GOLGA6L22: variants seen among roughly 807,000 people sequenced by gnomAD.
The protein encoded by GOLGA6L22 is golgin subfamily A member 6-like protein 22.
GOLGA6L22 carries 28 observed loss-of-function variants against 77.1 expected under a neutral mutation model. The observed-to-expected ratio is 0.36, with a 90% CI of 0.27 to 0.50. The LOEUF (loss-of-function observed/expected upper bound fraction) is 0.50, where lower values mean the gene tolerates loss of function less well. Ranked by LOEUF, GOLGA6L22 falls within the 20% of genes least tolerant of loss-of-function variation. The probability of loss-of-function intolerance (pLI) is 0.97; values close to 1 mark genes in which losing one functional copy is unlikely to be tolerated. For missense variants in GOLGA6L22, 250 were observed against 620.4 expected (o/e 0.40, Z 6.34); for synonymous variants, 62 against 185.3 (o/e 0.33, Z 5.41).
exon 8 of GOLGA6L22, chr15:22,466,702 GAAGATGTGTGAGCAGGAA>G: frequency 1.7e-6 from 1 of 593,856 alleles, no homozygotes. Context: ...AGCAGGAGGA[GAAGATGTGTGAGCAGGAA>G]GAGAAGATGC....
rs1455761690 is a variant in GOLGA6L22, at chr15:22,465,787, G to A, written c.1395G>A (p.Gln465=). The change falls in exon 8 of 9, where the codon CAG becomes CAA. Residue 465 remains glutamine (Q), a synonymous_variant. Coordinates refer to ENST00000622895, the Ensembl canonical transcript of GOLGA6L22. ...GGCAGGAGGAGAAGATACGGGAGCA[G>A]GAGAAGAAACGGGAGCAGGAGGAGA... is the stretch of plus-strand genomic sequence containing the variant. The A allele has an allele frequency of 4.3e-5, 60 of 1,406,244 alleles. 5 individuals are homozygous for A. In the East Asian group the frequency reaches 1.6e-3, roughly 38 times the overall value. 87.1% of individuals were successfully genotyped at this position (1,406,244 alleles called of 1,614,324 possible).
chr15:22,463,094 T>C (rs1351002195), intron 5 of GOLGA6L22, among the ~76,000 whole-genome samples: 1 of 132,710 alleles, frequency 7.5e-6, no homozygotes, highest in East Asian at 2.0e-4. Context: ...CTCCAAGTGA[T>C]CTTAGGCAGC....
At chr15:22,465,905 CAGG>C in exon 8 of GOLGA6L22, 1 of 1,080,390 alleles carries the variant, frequency 9.3e-7, no homozygotes, top group Non-Finnish European at 1.2e-6. Flanking sequence ...GATGCATGAG[CAGG>C]AGAAGATATG....
In GOLGA6L22 at chr15:22,463,132, C is replaced by T. The variant is rs1466745693; in HGVS notation, c.432+664C>T. ...TTAACCTTTAATACCACATGTTTTT[C>T]ATCTACACAATAGAGGTAATAATGG... is the stretch of plus-strand genomic sequence containing the variant. On this transcript the variant is annotated intron_variant, in intron 5 of 8. Coordinates refer to ENST00000622895, the Ensembl canonical transcript of GOLGA6L22. 2.3e-5 allele frequency among the ~76,000 whole-genome samples: 3 copies of T among 131,280 alleles called. 1 individual carries two copies. The highest frequency in any genetic ancestry group is 4.7e-5 in the Non-Finnish European group (3 of 63,596). The allele number at this position is 131,280 out of a possible 152,430, so 86.1% of individuals were successfully genotyped here. A position where few individuals can be genotyped will look rare whatever the true frequency, so the allele number is the denominator to read the frequency against.
exon 8 of GOLGA6L22, chr15:22,466,038 G>A (rs1215586680): frequency 3.7e-6 from 2 of 544,836 alleles, no homozygotes; most frequent in Non-Finnish European, 2.9e-6. Context: ...GAGGAAAAGA[G>A]GCAGGAGCAG....
intron 1 of GOLGA6L22, among the ~76,000 whole-genome samples, chr15:22,459,761 TACC>T (rs1173911610): frequency 1.7e-5 from 2 of 119,576 alleles, no homozygotes; most frequent in Admixed American, 1.6e-4. Flanking sequence ...CTGTCATTAC[TACC>T]ACAAGACCGG....
upstream of GOLGA6L22, chr15:22,459,054 C>G (rs1475862159): frequency 5.8e-5 from 6 of 102,568 alleles, no homozygotes; most frequent in East Asian, 9.2e-5. Context: ...CCATCCCCAC[C>G]TCCCTACCCA....
At position 22,466,556 on chromosome 15, in the gene GOLGA6L22, A is replaced by T; in HGVS notation, c.2164A>T (p.Lys722Ter). Reference sequence around the variant, plus strand: ...AGAGAAGATGGGGGAGCAGGAAGAGAAGATGCAAGAACAGGAGGAGAAGAT... The same window carrying T: ...AGAGAAGATGGGGGAGCAGGAAGAGTAGATGCAAGAACAGGAGGAGAAGAT... Residue 722 changes from lysine to a stop codon, truncating the protein, a stop_gained, in exon 8 of 9, where the codon AAG becomes TAG. Transcript: ENST00000622895. LOFTEE classifies it high-confidence loss of function. 7.5e-7 allele frequency: 1 copy of T among 1,324,698 alleles called. No individual in the cohort carries two copies. Among genetic ancestry groups the T allele is most frequent in the Non-Finnish European group, 1.0e-6 (1 of 977,084 alleles). The allele number at this position is 1,324,698 out of a possible 1,614,324, so 82.1% of individuals were successfully genotyped here.
At chr15:22,466,066 G>A (rs1467088335) in exon 8 of GOLGA6L22, 8 of 953,072 alleles carry the variant, frequency 8.4e-6, no homozygotes, top group South Asian at 3.2e-5. Context: ...AGATGTGGAA[G>A]CAGGAGGAGA....
exon 9 of GOLGA6L22, chr15:22,469,120 T>G (rs1887784083): frequency 8.4e-6 from 1 of 119,598 alleles, no homozygotes; most frequent in Admixed American, 7.9e-5. Context: ...ACTAAATCCC[T>G]GCCTGCTCTC....
chr15:22,466,224 T>C, exon 8 of GOLGA6L22: 2 of 608,550 alleles, frequency 3.3e-6, no homozygotes, highest in South Asian at 3.6e-5. Context: ...CAGGAGAAGA[T>C]GCGGAGGCAG....
chr15:22,468,992 G>C (rs1423970899), exon 9 of GOLGA6L22: 4 of 133,214 alleles, frequency 3.0e-5, no homozygotes, highest in Non-Finnish European at 6.2e-5. Flanking sequence ...CATCCAGAAA[G>C]TTCTCCTGTG....
rs1314673623 is a variant in GOLGA6L22, at chr15:22,466,382, G to A, written c.1990G>A (p.Glu664Lys). 5 of 1,420,036 alleles carry A rather than the reference G, an allele frequency of 3.5e-6. No individual in the cohort carries two copies. The African/African-American group carries it at 6.9e-5, about 20-fold the overall frequency. The allele number at this position is 1,420,036 out of a possible 1,614,324, so 88.0% of individuals were successfully genotyped here. ...ACAGGAAGAGAAGATGGGGGAGCAG[G>A]AGGAGAAGATTTGGGAGCAGGAAGA... The change falls in exon 8 of 9, where the codon GAG becomes AAG. Residue 664 changes from glutamate to lysine, a missense_variant. By Grantham distance (56) the Glu-to-Lys change is moderately conservative. Coordinates refer to ENST00000622895, the Ensembl canonical transcript of GOLGA6L22.
Position 22,464,749 on chromosome 15 carries a change from G to A in GOLGA6L22, c.634-277G>A, listed in dbSNP as rs1171203754. Among the ~76,000 whole-genome samples the A allele has an allele frequency of 4.6e-5, 6 of 130,576 alleles. 2 individuals are homozygous for A. The South Asian group carries it at 9.9e-4, about 22-fold the overall frequency. 85.7% of individuals were successfully genotyped at this position (130,576 alleles called of 152,430 possible). Reference sequence around the variant, plus strand: ...CTGCAAGCTCCAACCCCGGCTTCACGCCATTCTCCTGCCTCAGCCTCCCAA... The same window carrying A: ...CTGCAAGCTCCAACCCCGGCTTCACACCATTCTCCTGCCTCAGCCTCCCAA... On this transcript the variant is annotated intron_variant, in intron 7 of 8. Transcript: ENST00000622895.
exon 8 of GOLGA6L22, chr15:22,465,767 GAGGAGAAGATACGGGAGC>G (rs1887675024): frequency 7.1e-7 from 1 of 1,398,630 alleles, no homozygotes; most frequent in Non-Finnish European, 9.5e-7. Context: ...GTGGAGGCAG[GAGGAGAAGATACGGGAGC>G]AGGAGAAGAA....
chr15:22,463,298 T>G (rs1887579357), intron 5 of GOLGA6L22, among the ~76,000 whole-genome samples: 1 of 149,476 alleles, frequency 6.7e-6, no homozygotes, highest in African/African-American at 2.5e-5. Flanking sequence ...TGGGCCCCTG[T>G]TAGCCAGCTC....
Position 22,465,708 on chromosome 15 carries a change from A to G in GOLGA6L22, c.1316A>G (p.Glu439Gly), listed in dbSNP as rs1595543059. 6.1e-6 allele frequency: 7 copies of G among 1,142,348 alleles called. 1 individual carries two copies. The highest frequency in any genetic ancestry group is 8.4e-6 in the Non-Finnish European group (7 of 831,904). 70.8% of individuals were successfully genotyped at this position (1,142,348 alleles called of 1,614,324 possible). The stretch of plus-strand genomic sequence containing the variant: ...GAGGAGAAGGTGTGGAGGCAGGAGG[A>G]GAAGATGCACGACCAGGAGGAGAAG... Residue 439 changes from glutamate (E) to glycine (G), a missense_variant, in exon 8 of 9, where the codon GAG becomes GGG. Physicochemically the swap from Glu to Gly is moderately conservative, Grantham distance 98. Transcript: ENST00000622895.
Position 22,465,719 on chromosome 15 carries a change from G to A in GOLGA6L22, c.1327G>A (p.Asp443Asn), listed in dbSNP as rs1408839832. 1.1e-5 allele frequency: 12 copies of A among 1,125,334 alleles called. 1 individual carries two copies. The highest frequency in any genetic ancestry group is 1.5e-5 in the Non-Finnish European group (12 of 823,678). 69.7% of individuals were successfully genotyped at this position (1,125,334 alleles called of 1,614,324 possible). The change falls in exon 8 of 9, where the codon GAC becomes AAC. Residue 443 changes from aspartate (D) to asparagine (N), a missense_variant. Transcript: ENST00000622895. ...GTGGAGGCAGGAGGAGAAGATGCAC[G>A]ACCAGGAGGAGAAGATACGGGAGCA...
In GOLGA6L22 at chr15:22,465,757, GTGGAGGC is replaced by G; in HGVS notation, c.1366_1372del (p.Trp456ArgfsTer106). Reference sequence around the variant, plus strand: ...AGATACGGGAGCAGGAGGAGAAGGTGTGGAGGCAGGAGGAGAAGATACGGGAGCAGGA... The same window carrying G: ...AGATACGGGAGCAGGAGGAGAAGGTGAGGAGGAGAAGATACGGGAGCAGGA... On this transcript the variant is annotated frameshift_variant, in exon 8 of 9. Transcript: ENST00000622895. LOFTEE classifies it high-confidence loss of function. The G allele has an allele frequency of 7.3e-7, 1 of 1,375,718 alleles. No individual in the cohort carries two copies. The highest frequency in any genetic ancestry group is 2.2e-5 in the African/African-American group (1 of 44,460). The allele number at this position is 1,375,718 out of a possible 1,614,324, so 85.2% of individuals were successfully genotyped here.
Sources: allele counts gnomAD v4.1 joint callset (sites outside exome capture counted in the v4.1 genomes callset), GRCh38; gene constraint gnomAD v4.1.1; transcripts MANE v1.5; gene names NCBI Gene and HGNC (gene_info 2026-07-23, HGNC 2026-07-21).